The following GABBR2 variants were observed in gnomAD, a reference collection of about 807,000 sequenced individuals.
The protein encoded by GABBR2 is gamma-aminobutyric acid type B receptor subunit 2, also known as G-protein coupled receptor 51.
In GABBR2, 23 loss-of-function variants were observed where a neutral mutation model predicts 105.6. The observed-to-expected ratio is 0.22, with a 90% CI of 0.16 to 0.31. GABBR2 has a LOEUF of 0.31. Ranked by LOEUF, GABBR2 falls within the 10% of genes least tolerant of loss-of-function variation. The pLI is 1.00. For missense variants in GABBR2, 734 were observed against 1,245.5 expected, an observed-to-expected ratio of 0.59 and a Z score of 6.18; for synonymous variants, 478 against 499.7, an observed-to-expected ratio of 0.96 and a Z score of 0.58.
intron 1 of GABBR2, among the ~76,000 whole-genome samples, chr9:98,702,342 C>T (rs560256205): frequency 6.6e-6 from 1 of 152,216 alleles, no homozygotes; most frequent in South Asian, 2.1e-4. Context: ...CTCAGTGCTG[C>T]CCGTTCTTCA....
intron 1 of GABBR2, among the ~76,000 whole-genome samples, chr9:98,682,585 A>T (rs112011793): frequency 0.095 from 14,444 of 151,958 alleles, 1,508 homozygotes; most frequent in African/African-American, 0.26. Context: ...CATGTTGAAG[A>T]GGCTGGTCTT....
intron 12 of GABBR2, 81 bp downstream of exon 12, chr9:98,371,383 T>C: frequency 2.6e-6 from 2 of 770,242 alleles, no homozygotes; most frequent in Non-Finnish European, 4.5e-6. Flanking sequence ...AATAGCTCAG[T>C]GCCTGGAATA....
chr9:98,343,624 C>T (rs1831252304), intron 13 of GABBR2, among the ~76,000 whole-genome samples: 1 of 152,142 alleles, frequency 6.6e-6, no homozygotes, highest in African/African-American at 2.4e-5. Context: ...CTTTGGGAGG[C>T]CGAGGCAGGC....
chr9:98,395,803 C>A (rs1441405450), intron 8 of GABBR2, among the ~76,000 whole-genome samples: 1 of 151,404 alleles, frequency 6.6e-6, no homozygotes, highest in African/African-American at 2.4e-5. Context: ...GAGCAAGGGG[C>A]AGTGAGTTTG....
intron 3 of GABBR2, chr9:98,538,675 C>A (rs1020230688): frequency 4.1e-6 from 3 of 734,174 alleles, no homozygotes; most frequent in African/African-American, 3.8e-5. Context: ...AGCCCCTCCA[C>A]CACCCCCTCC....
At chr9:98,495,828 T>G (rs904700519) in intron 4 of GABBR2, 1 of 152,908 alleles carries the variant, frequency 6.5e-6, no homozygotes, top group African/African-American at 2.4e-5. Context: ...CTCTGTCTTC[T>G]TCACCATGCT....
intron 8 of GABBR2, among the ~76,000 whole-genome samples, chr9:98,405,783 G>T (rs530980697): frequency 1.3e-5 from 2 of 152,310 alleles, no homozygotes; most frequent in East Asian, 3.9e-4. Context: ...AAAAAAGTCT[G>T]TATGTATTTG....
intron 3 of GABBR2, chr9:98,538,593 G>A: frequency 1.0e-6 from 1 of 984,584 alleles, no homozygotes; most frequent in East Asian, 1.1e-4. Flanking sequence ...CTGGTCCCCA[G>A]GTGGGATGGC....
At chr9:98,680,811 G>A (rs1830535752) in intron 1 of GABBR2, among the ~76,000 whole-genome samples, 1 of 152,122 alleles carries the variant, frequency 6.6e-6, no homozygotes. Flanking sequence ...CATACCTATG[G>A]AATAGAAGTT....
intron 2 of GABBR2, among the ~76,000 whole-genome samples, chr9:98,563,570 G>T (rs1357402941): frequency 6.6e-6 from 1 of 152,200 alleles, no homozygotes; most frequent in Admixed American, 6.5e-5. Context: ...CAGAGTCTCA[G>T]AAGACACCCC....
intron 3 of GABBR2, among the ~76,000 whole-genome samples, chr9:98,530,046 G>C (rs1166916381): frequency 6.6e-6 from 1 of 152,152 alleles, no homozygotes; most frequent in Non-Finnish European, 1.5e-5. Flanking sequence ...GGGCCTTGGG[G>C]GAGAAACCAC....
chr9:98,414,388 C>G (rs950908949), intron 7 of GABBR2, among the ~76,000 whole-genome samples: 1 of 152,016 alleles, frequency 6.6e-6, no homozygotes, highest in Non-Finnish European at 1.5e-5. Context: ...GAAACAGTGC[C>G]GATAAAGCTG....
intron 1 of GABBR2, among the ~76,000 whole-genome samples, chr9:98,651,551 C>T (rs1830106060): frequency 6.6e-6 from 1 of 152,170 alleles, no homozygotes; most frequent in Non-Finnish European, 1.5e-5. Context: ...CCTCCTGTCC[C>T]AGCCTCCAGA....
intron 13 of GABBR2, among the ~76,000 whole-genome samples, chr9:98,329,557 G>A (rs915371617): frequency 1.1e-4 from 17 of 152,226 alleles, no homozygotes; most frequent in Admixed American, 3.9e-4. Context: ...CCCTAGCCAC[G>A]TTCACCCACC....
chr9:98,668,927 TTTTG>T (rs1413953254), intron 1 of GABBR2, among the ~76,000 whole-genome samples: 2 of 151,850 alleles, frequency 1.3e-5, no homozygotes, highest in African/African-American at 4.8e-5. Context: ...GTACACTAAA[TTTTG>T]TTTATCCTTT....
At position 98,671,164 on chromosome 9, in the gene GABBR2, C is replaced by T. The variant is rs574433052; in HGVS notation, c.321+37253G>A. On this transcript the variant is annotated intron_variant, in intron 1 of 18. Coordinates refer to ENST00000259455, the MANE Select transcript of GABBR2 (RefSeq NM_005458.8). ...ACTGCCACCCCCCCGCCCCACTTCC[C>T]GCTCTCTGCCAATCTCTAAGCAACT... Among the ~76,000 whole-genome samples, 12 of 152,278 alleles carry T rather than the reference C, an allele frequency of 7.9e-5. No homozygotes were observed. The South Asian group carries it at 1.2e-3, about 16-fold the overall frequency.
At chr9:98,612,378 C>A (rs1475591545) in intron 1 of GABBR2, among the ~76,000 whole-genome samples, 1 of 152,212 alleles carries the variant, frequency 6.6e-6, no homozygotes, top group Non-Finnish European at 1.5e-5. Context: ...TCAGCCAGCC[C>A]TGGAGCTGTC....
intron 6 of GABBR2, among the ~76,000 whole-genome samples, chr9:98,460,335 C>T (rs145835870): frequency 5.5e-4 from 83 of 152,152 alleles, no homozygotes; most frequent in South Asian, 2.1e-3. Flanking sequence ...AAGATCACAC[C>T]GCTGCACTCT....
Position 98,682,365 on chromosome 9 carries a change from T to A in GABBR2, c.321+26052A>T, listed in dbSNP as rs533010843. Among the ~76,000 whole-genome samples, 10 of 100,144 alleles carry A rather than the reference T, an allele frequency of 1.0e-4. No individual in the cohort carries two copies. In the South Asian group the frequency reaches 3.2e-3, roughly 32 times the overall value. The allele number at this position is 100,144 out of a possible 152,430, so 65.7% of individuals were successfully genotyped here. A position where few individuals can be genotyped will look rare whatever the true frequency, so the allele number is the denominator to read the frequency against. ...ACGAGATAGGAGATGGATTTTACCA[T>A]CTTTTTTTTTTTTTTTTTTTTTTTT... On this transcript the variant is annotated intron_variant, in intron 1 of 18. Transcript: ENST00000259455.
Sources: gnomAD v4.1 joint callset for allele counts (sites outside exome capture counted in the v4.1 genomes callset) on GRCh38, gnomAD v4.1.1 for gene constraint, MANE v1.5 for transcripts, NCBI Gene and HGNC (gene_info 2026-07-23, HGNC 2026-07-21) for gene names.